Variants in RUNX1 observed in about 807,000 individuals in gnomAD.
RUNX1 encodes the protein RUNX family transcription factor 1, also known as runt-related transcription factor 1.
A neutral mutation model predicts 42.8 loss-of-function variants in RUNX1; 19 were observed. That is an observed-to-expected ratio of 0.44 (90% confidence interval 0.31 to 0.65). The LOEUF (loss-of-function observed/expected upper bound fraction) is 0.65, where lower values mean the gene tolerates loss of function less well. RUNX1 is among the 30% of genes least tolerant of loss of function. The probability of loss-of-function intolerance (pLI) is 0.07; values close to 1 mark genes in which losing one functional copy is unlikely to be tolerated. For synonymous variants in RUNX1, 271 were observed against 289.4 expected (o/e 0.94, Z 0.64); for missense variants, 528 against 672.0 (o/e 0.79, Z 2.37).
At chr21:34,923,358 T>C (rs952886547) in intron 2 of RUNX1, among the ~76,000 whole-genome samples, 2 of 152,204 alleles carry the variant, frequency 1.3e-5, no homozygotes, top group African/African-American at 4.8e-5. Flanking sequence ...TTCTTTCCAG[T>C]TCAGAATTGG....
At chr21:34,874,518 G>A (rs1217531980) in intron 5 of RUNX1, among the ~76,000 whole-genome samples, 2 of 144,646 alleles carry the variant, frequency 1.4e-5, no homozygotes, top group African/African-American at 5.3e-5. Flanking sequence ...GCCGAGGTAG[G>A]AGAATCGCTT....
intron 2 of RUNX1, among the ~76,000 whole-genome samples, chr21:35,039,444 A>G (rs927730621): frequency 6.6e-6 from 1 of 152,172 alleles, no homozygotes; most frequent in Non-Finnish European, 1.5e-5. Context: ...ATAATTATAG[A>G]TTTTAAAAAA....
chr21:34,823,430 G>GGTTTTT (rs58016583), intron 7 of RUNX1, among the ~76,000 whole-genome samples: 1 of 99,712 alleles, frequency 1.0e-5, no homozygotes, highest in Non-Finnish European at 1.8e-5. Context: ...TTCCTGGTGG[G>GGTTTTT]TTTTTTTTTT....
At chr21:35,017,804 C>T (rs775244502) in intron 2 of RUNX1, among the ~76,000 whole-genome samples, 4 of 152,076 alleles carry the variant, frequency 2.6e-5, no homozygotes, top group Non-Finnish European at 5.9e-5. Context: ...GGCATTCACC[C>T]GGGTGCAAAG....
intron 2 of RUNX1, among the ~76,000 whole-genome samples, chr21:35,041,794 A>C (rs1568809353): frequency 6.6e-6 from 1 of 152,152 alleles, no homozygotes; most frequent in Non-Finnish European, 1.5e-5. Context: ...ATGTATGAAT[A>C]AGTGTTTAAA....
chr21:34,866,210 G>A (rs2834655), intron 5 of RUNX1, among the ~76,000 whole-genome samples: 42,419 of 152,124 alleles, frequency 0.28, 6,200 homozygotes, highest in African/African-American at 0.33. Context: ...GAGTCCTTAG[G>A]AAACACAATC....
intron 4 of RUNX1, among the ~76,000 whole-genome samples, chr21:34,883,016 G>A (rs2057928571): frequency 6.6e-6 from 1 of 152,166 alleles, no homozygotes; most frequent in Admixed American, 6.5e-5. Context: ...ATAACTACAG[G>A]AATGTATTCT....
chr21:35,009,268 C>T (rs1433983750), intron 2 of RUNX1, among the ~76,000 whole-genome samples: 1 of 152,040 alleles, frequency 6.6e-6, no homozygotes, highest in East Asian at 1.9e-4. Context: ...TTTTAGGGGC[C>T]CAAATTGGGA....
chr21:34,948,285 C>T (rs2058580573), intron 2 of RUNX1, among the ~76,000 whole-genome samples: 1 of 152,210 alleles, frequency 6.6e-6, no homozygotes, highest in African/African-American at 2.4e-5. Context: ...GTGCACCTAA[C>T]CTGACCTCAC....
chr21:34,889,424 T>G (rs1479044488), intron 3 of RUNX1, among the ~76,000 whole-genome samples: 1 of 152,046 alleles, frequency 6.6e-6, no homozygotes, highest in Non-Finnish European at 1.5e-5. Context: ...GCTCGATCCC[T>G]CCGCGCGTCT....
chr21:34,906,503 T>C (rs1341069530), intron 2 of RUNX1, among the ~76,000 whole-genome samples: 1 of 152,216 alleles, frequency 6.6e-6, no homozygotes, highest in East Asian at 1.9e-4. Flanking sequence ...CATTTAATCC[T>C]TTTGGTAATA....
chr21:34,865,279 C>CGTGTGTGTGT (rs61238560), intron 5 of RUNX1, among the ~76,000 whole-genome samples: 229 of 132,470 alleles, frequency 1.7e-3, no homozygotes, highest in African/African-American at 2.5e-3. Flanking sequence ...GGGTTTTGTG[C>CGTGTGTGTGT]GTGTGTGTGT....
At chr21:34,832,756 TA>T (rs138847543) in intron 7 of RUNX1, among the ~76,000 whole-genome samples, 2,136 of 152,080 alleles carry the variant, frequency 0.014, 58 homozygotes, top group African/African-American at 0.049. Context: ...TTTTGGAATT[TA>T]AAAAAAATCA....
intron 5 of RUNX1, among the ~76,000 whole-genome samples, chr21:34,879,938 T>C (rs1418801468): frequency 6.6e-6 from 1 of 152,154 alleles, no homozygotes; most frequent in Non-Finnish European, 1.5e-5. Context: ...ATATTATTAG[T>C]ATCTAAAATG....
At chr21:35,007,927 C>G (rs546816701) in intron 2 of RUNX1, among the ~76,000 whole-genome samples, 1 of 152,136 alleles carries the variant, frequency 6.6e-6, no homozygotes, top group African/African-American at 2.4e-5. Context: ...ATTCACAGCC[C>G]TTTAGAACTC....
Position 34,828,031 on chromosome 21 carries a change from A to G in RUNX1, c.805+6379T>C, listed in dbSNP as rs936415998. 6.6e-5 allele frequency among the ~76,000 whole-genome samples: 10 copies of G among 152,246 alleles called. No individual in the cohort carries two copies. In the East Asian group the frequency reaches 1.9e-3, roughly 29 times the overall value. On this transcript the variant is annotated intron_variant, in intron 7 of 8. Coordinates refer to ENST00000675419, the MANE Select transcript of RUNX1 (RefSeq NM_001754.5). ...GAATTGGGGCTATCCCTGAGAACCC[A>G]GAACTGCAGAGCCACCAGTGTGCAA...
intron 2 of RUNX1, among the ~76,000 whole-genome samples, chr21:34,989,510 C>T (rs1016021154): frequency 2.6e-5 from 4 of 152,036 alleles, no homozygotes; most frequent in Non-Finnish European, 5.9e-5. Context: ...CAGGGTCTTT[C>T]CCAGGCTTCT....
intron 7 of RUNX1, among the ~76,000 whole-genome samples, chr21:34,814,048 A>G (rs981388867): frequency 6.6e-6 from 1 of 151,972 alleles, no homozygotes; most frequent in African/African-American, 2.4e-5. Context: ...CTAAACCTCA[A>G]AAAAAAAGAA....
intron 2 of RUNX1, among the ~76,000 whole-genome samples, chr21:35,019,088 T>G (rs894285075): frequency 2.0e-5 from 3 of 152,220 alleles, no homozygotes; most frequent in Non-Finnish European, 4.4e-5. Context: ...TCTTACCATC[T>G]GGCTTAGATT....
Sources: gnomAD v4.1 joint callset for allele counts (sites outside exome capture counted in the v4.1 genomes callset) on GRCh38, gnomAD v4.1.1 for gene constraint, MANE v1.5 for transcripts, NCBI Gene and HGNC (gene_info 2026-07-23, HGNC 2026-07-21) for gene names.